The following TNRC18 variants were observed in gnomAD, a reference collection of about 807,000 sequenced individuals.
TNRC18 encodes trinucleotide repeat-containing gene 18 protein.
In TNRC18, 69 loss-of-function variants were observed where a neutral mutation model predicts 226.7. That is an observed-to-expected ratio of 0.30 (90% CI 0.25 to 0.37). The LOEUF is 0.37. Among genes scored for constraint, TNRC18 ranks in the 10% least tolerant of loss-of-function variants. The probability of loss-of-function intolerance (pLI) is 1.00; values close to 1 mark genes in which losing one functional copy is unlikely to be tolerated. For synonymous variants in TNRC18, 2,449 were observed against 1,927.6 expected (o/e 1.27, Z -7.09); for missense variants, 4,754 against 4,256.6 (o/e 1.12, Z -3.25).
At chr7:5,314,788 G>C (rs527714598) in intron 26 of TNRC18, among the ~76,000 whole-genome samples, 196 bp downstream of exon 26, 56 of 152,120 alleles carry the variant, frequency 3.7e-4, no homozygotes, top group African/African-American at 1.3e-3. Context: ...GGCCAGACTG[G>C]TCTTGAACTC....
Position 5,315,032 on chromosome 7 carries a change from C to A in TNRC18, c.6979G>T (p.Ala2327Ser), listed in dbSNP as rs10250456. 2 of 1,608,732 alleles carry A rather than the reference C, an allele frequency of 1.2e-6. No individual in the cohort carries two copies. The highest frequency in any genetic ancestry group is 4.5e-5 in the East Asian group (2 of 44,580). Residue 2327 changes from alanine to serine, a missense_variant, in exon 26 of 30, where the codon GCC (alanine) becomes TCC (serine). Transcript: ENST00000430969. ...TTCCGCCCACGCCCACGGGCCTTGGCTCCTGGCTCCTCCGACCCAGCCGTG... is the reference window on the plus strand; with the variant it reads ...TTCCGCCCACGCCCACGGGCCTTGGATCCTGGCTCCTCCGACCCAGCCGTG... ...GGTAGSEEPGAKARGRGRKPS... is the reference protein window; with the variant it reads ...GGTAGSEEPGSKARGRGRKPS...
chr7:5,338,037 C>T (rs1305112451), intron 18 of TNRC18, among the ~76,000 whole-genome samples: 1 of 151,848 alleles, frequency 6.6e-6, no homozygotes, highest in African/African-American at 2.4e-5. Context: ...GGGGTTGATA[C>T]CATGTGAAAA....
In TNRC18 at chr7:5,307,620, G is replaced by A; in HGVS notation, c.*486C>T. The A allele has an allele frequency of 2.3e-6, 1 of 439,198 alleles. No individual in the cohort carries two copies. The highest frequency in any genetic ancestry group is 2.0e-5 in the African/African-American group (1 of 49,576). The allele number at this position is 439,198 out of a possible 1,614,324, so 27.2% of individuals were successfully genotyped here. ...AGTCAGGTAGGCCAGCTGGCATCGG[G>A]CTGCCCTGTCCCATGCACGGTGGGA... On this transcript the variant is annotated 3_prime_UTR_variant, in exon 30 of 30. Transcript: ENST00000430969.
chr7:5,375,523 A>C (rs1794574665), intron 9 of TNRC18, among the ~76,000 whole-genome samples: 1 of 152,164 alleles, frequency 6.6e-6, no homozygotes, highest in African/African-American at 2.4e-5. Context: ...ATTCAGACCC[A>C]GGGCTCAGGC....
intron 18 of TNRC18, among the ~76,000 whole-genome samples, chr7:5,333,728 T>C (rs1789799699): frequency 6.6e-6 from 1 of 152,170 alleles, no homozygotes; most frequent in Non-Finnish European, 1.5e-5. Flanking sequence ...CTTTGCTCTC[T>C]GCCATCCCCT....
At chr7:5,375,020 C>T (rs1794519776) in intron 9 of TNRC18, among the ~76,000 whole-genome samples, 1 of 152,272 alleles carries the variant, frequency 6.6e-6, no homozygotes, top group Non-Finnish European at 1.5e-5. Context: ...ATACACAAAA[C>T]ACACTAGGGG....
chr7:5,376,814 G>A, intron 8 of TNRC18, 33 bp downstream of exon 8: 1 of 1,600,884 alleles, frequency 6.2e-7, no homozygotes, highest in Non-Finnish European at 8.5e-7. Context: ...TGGCCAGTCT[G>A]GCCCATGGTG....
chr7:5,364,117 G>A (rs1157843840), intron 11 of TNRC18, among the ~76,000 whole-genome samples: 1 of 152,204 alleles, frequency 6.6e-6, no homozygotes, highest in African/African-American at 2.4e-5. Flanking sequence ...TGGCCAACAT[G>A]GTGAAACCCT....
At chr7:5,391,243 C>CCT (rs1013600079) in intron 3 of TNRC18, among the ~76,000 whole-genome samples, 5 of 152,078 alleles carry the variant, frequency 3.3e-5, no homozygotes, top group Admixed American at 3.3e-4. Context: ...ATCCTCCCCG[C>CCT]CTCCCCAAAG....
intron 10 of TNRC18, among the ~76,000 whole-genome samples, chr7:5,373,168 T>C (rs1583961395): frequency 6.6e-6 from 1 of 151,864 alleles, no homozygotes; most frequent in Non-Finnish European, 1.5e-5. Flanking sequence ...CAAAAATAAA[T>C]AAATAAATAG....
rs1159740269 is a variant in TNRC18 at position 5,388,303 on chromosome 7, C to T, written c.1521G>A (p.Glu507=). 2 of 1,606,698 alleles carry T rather than the reference C, an allele frequency of 1.2e-6. No individual in the cohort carries two copies. The highest frequency in any genetic ancestry group is 1.7e-5 in the Admixed American group (1 of 59,478). ...EPGRPPPTGP[E]HKWKPFELGN... ...CCAGCTCGAAGGGTTTCCATTTATG[C>T]TCAGGGCCGGTGGGCGGGGGGCGCC... The change falls in exon 5 of 30, where the codon GAG becomes GAA. Residue 507 remains glutamate (E), a synonymous_variant. Coordinates refer to ENST00000430969, the MANE Select transcript of TNRC18 (RefSeq NM_001080495.3).
intron 11 of TNRC18, among the ~76,000 whole-genome samples, chr7:5,367,042 C>CA (rs909353878): frequency 7.9e-5 from 12 of 152,178 alleles, no homozygotes; most frequent in African/African-American, 2.9e-4. Context: ...AGTGGGCCTT[C>CA]ATTCCGTAAG....
At chr7:5,320,510 G>A (rs760397778) in intron 23 of TNRC18, 22 bp downstream of exon 23, 2 of 1,585,616 alleles carry the variant, frequency 1.3e-6, no homozygotes, top group Non-Finnish European at 8.6e-7. Flanking sequence ...AGCCTCCCGA[G>A]GCCCCGCCCC....
rs1424721796 is a variant in TNRC18, at chr7:5,361,931, C to T, written c.4498G>A (p.Glu1500Lys). 14 of 1,603,020 alleles carry T rather than the reference C, an allele frequency of 8.7e-6. No individual in the cohort carries two copies. The East Asian group carries it at 2.9e-4, about 33-fold the overall frequency. ...CGGCGGCGCTGCAGCTTCACCAGCTCACGCTGCTTCTCCTTGTACTGGCGC... is the reference window on the plus strand; with the variant it reads ...CGGCGGCGCTGCAGCTTCACCAGCTTACGCTGCTTCTCCTTGTACTGGCGC... Reference protein sequence around the residue: ...VQRQYKEKQRELVKLQRRRDS... With the variant: ...VQRQYKEKQRKLVKLQRRRDS... Residue 1500 changes from glutamate (E) to lysine (K), a missense_variant, in exon 13 of 30, where the codon GAG (glutamate) becomes AAG (lysine). Coordinates refer to ENST00000430969, the MANE Select transcript of TNRC18 (RefSeq NM_001080495.3).
At chr7:5,357,442 C>T (rs1188646332) in intron 15 of TNRC18, among the ~76,000 whole-genome samples, 166 bp from the exon 16 acceptor site, 1 of 152,040 alleles carries the variant, frequency 6.6e-6, no homozygotes, top group Admixed American at 6.6e-5. Flanking sequence ...GACGGAGTCT[C>T]GCTCTGTCGC....
At chr7:5,346,569 G>T (rs541404536) in intron 17 of TNRC18, among the ~76,000 whole-genome samples, 1 of 152,132 alleles carries the variant, frequency 6.6e-6, no homozygotes, top group African/African-American at 2.4e-5. Flanking sequence ...AACACTTTGG[G>T]AGGCCGAGGC....
intron 21 of TNRC18, among the ~76,000 whole-genome samples, chr7:5,323,567 A>AGTTTTT (rs1583769499): frequency 3.9e-5 from 1 of 25,526 alleles, no homozygotes; most frequent in Non-Finnish European, 8.3e-5. Context: ...AGCACCAGAC[A>AGTTTTT]GTTTTTTTTT....
At chr7:5,368,497 C>T (rs536199954) in intron 11 of TNRC18, among the ~76,000 whole-genome samples, 55 of 151,066 alleles carry the variant, frequency 3.6e-4, no homozygotes, top group East Asian at 5.9e-4. Context: ...ACCCCATCTC[C>T]ACTAAAAATA....
At chr7:5,340,756 A>C (rs1562515892) in intron 18 of TNRC18, among the ~76,000 whole-genome samples, 1 of 152,038 alleles carries the variant, frequency 6.6e-6, no homozygotes, top group Non-Finnish European at 1.5e-5. Flanking sequence ...GAAAAAAAAA[A>C]AAAGAAAAGG....
Sources: gnomAD v4.1 joint callset for allele counts (sites outside exome capture counted in the v4.1 genomes callset) on GRCh38, gnomAD v4.1.1 for gene constraint, MANE v1.5 for transcripts, NCBI Gene and HGNC (gene_info 2026-07-23, HGNC 2026-07-21) for gene names.